The following COL21A1 variants were observed in gnomAD, a reference collection of about 807,000 sequenced individuals.
The protein encoded by COL21A1 is collagen alpha-1(XXI) chain.
A neutral mutation model predicts 137.9 loss-of-function variants in COL21A1; 149 were observed. The ratio of observed to expected loss-of-function variants is 1.08; its 90% confidence interval spans 0.95 to 1.24. The LOEUF is 1.24. Ranked by LOEUF, COL21A1 falls within the 50% of genes most tolerant of loss-of-function variation. The pLI is 0.00. For missense variants in COL21A1, 1,167 were observed against 1,158.4 expected, an observed-to-expected ratio of 1.01 and a Z score of -0.11; for synonymous variants, 456 against 391.5, an observed-to-expected ratio of 1.16 and a Z score of -1.95.
intron 1 of COL21A1, among the ~76,000 whole-genome samples, chr6:56,204,001 C>T (rs1409611745): frequency 1.3e-5 from 2 of 152,194 alleles, no homozygotes; most frequent in African/African-American, 4.8e-5. Context: ...CTGGTGCCTA[C>T]ACCACCAGGG....
At chr6:56,362,172 A>G (rs1270122350) in intron 1 of COL21A1, among the ~76,000 whole-genome samples, 2 of 152,208 alleles carry the variant, frequency 1.3e-5, no homozygotes, top group Admixed American at 1.3e-4. Flanking sequence ...CAAGCTAGAG[A>G]GATACTAGCA....
intron 1 of COL21A1, among the ~76,000 whole-genome samples, chr6:56,346,757 T>C: frequency 6.6e-6 from 1 of 152,308 alleles, no homozygotes; most frequent in African/African-American, 2.4e-5. Flanking sequence ...CAGTGAGAGC[T>C]GTACCGCTCC....
intron 1 of COL21A1, among the ~76,000 whole-genome samples, chr6:56,236,226 C>A (rs1248623142): frequency 1.3e-5 from 2 of 151,932 alleles, no homozygotes; most frequent in Non-Finnish European, 2.9e-5. Flanking sequence ...TCTTCAAATG[C>A]TGGGAACATG....
intron 1 of COL21A1, among the ~76,000 whole-genome samples, chr6:56,361,911 T>C (rs1289485011): frequency 1.3e-5 from 2 of 152,320 alleles, no homozygotes; most frequent in African/African-American, 4.8e-5. Context: ...CACAAGGATA[T>C]CAAGCATTGT....
chr6:56,322,884 C>CAAAAAAAAA (rs386407164), intron 1 of COL21A1, among the ~76,000 whole-genome samples: 3 of 129,800 alleles, frequency 2.3e-5, no homozygotes, highest in African/African-American at 3.1e-5. Context: ...CCTCTGCTAT[C>CAAAAAAAAA]AAAAAAAAAA....
chr6:56,150,126 T>C (rs1158032387), intron 10 of COL21A1, among the ~76,000 whole-genome samples: 1 of 152,154 alleles, frequency 6.6e-6, no homozygotes, highest in East Asian at 1.9e-4. Flanking sequence ...TCCCCACCTG[T>C]GATGACCTCA....
At chr6:56,145,976 T>C (rs991237055) in intron 10 of COL21A1, among the ~76,000 whole-genome samples, 3 of 152,054 alleles carry the variant, frequency 2.0e-5, no homozygotes, top group African/African-American at 4.8e-5. Flanking sequence ...AGGAAATATG[T>C]ATAGCATTGA....
rs534398038 is a variant in COL21A1, at chr6:56,296,783, C to A, written c.-39+97188G>T. On this transcript the variant is annotated intron_variant, in intron 1 of 28. Coordinates refer to the COL21A1 transcript ENST00000370819. The stretch of plus-strand genomic sequence containing the variant: ...TTTACATTTTGTTTCTAGAAAAATA[C>A]CCACAAGTGTCCATAAAACACTTGA... Among the ~76,000 whole-genome samples the A allele has an allele frequency of 9.9e-5, 15 of 152,080 alleles. No homozygotes were observed. In the East Asian group the frequency reaches 2.9e-3, roughly 29 times the overall value.
intron 17 of COL21A1, among the ~76,000 whole-genome samples, chr6:56,094,514 T>C (rs1464038116): frequency 6.6e-6 from 1 of 152,172 alleles, no homozygotes; most frequent in Admixed American, 6.6e-5. Flanking sequence ...CAATATAGAC[T>C]ACTTCTACCA....
intron 1 of COL21A1, among the ~76,000 whole-genome samples, chr6:56,334,399 T>C (rs1765294761): frequency 6.6e-6 from 1 of 152,130 alleles, no homozygotes; most frequent in Non-Finnish European, 1.5e-5. Flanking sequence ...TAAAGCACTT[T>C]TGCACACTTT....
chr6:56,190,091 G>A (rs1299031106), intron 1 of COL21A1, among the ~76,000 whole-genome samples: 1 of 151,850 alleles, frequency 6.6e-6, no homozygotes. Flanking sequence ...ATAACTAAGA[G>A]CAGAGCAGAA....
At chr6:56,284,459 T>A (rs1191939304) in intron 1 of COL21A1, among the ~76,000 whole-genome samples, 1 of 152,188 alleles carries the variant, frequency 6.6e-6, no homozygotes, top group African/African-American at 2.4e-5. Context: ...TTTTCTGTCA[T>A]CAACTTACCA....
At chr6:56,241,335 G>A (rs900542921) in intron 1 of COL21A1, among the ~76,000 whole-genome samples, 9 of 152,100 alleles carry the variant, frequency 5.9e-5, no homozygotes, top group East Asian at 3.9e-4. Context: ...CAAATTGGCC[G>A]GCACCTTGAG....
chr6:56,275,779 A>G (rs77453844), intron 1 of COL21A1, among the ~76,000 whole-genome samples: 1 of 152,234 alleles, frequency 6.6e-6, no homozygotes, highest in African/African-American at 2.4e-5. Context: ...TGGTGGGAAT[A>G]CAAATGACTT....
intron 9 of COL21A1, among the ~76,000 whole-genome samples, chr6:56,163,570 G>T (rs1416150095): frequency 6.6e-6 from 1 of 152,048 alleles, no homozygotes; most frequent in Admixed American, 6.6e-5. Flanking sequence ...TTAGCCGGGC[G>T]CAGTGGTGAT....
chr6:56,204,104 C>T (rs1468981779), intron 1 of COL21A1, among the ~76,000 whole-genome samples: 1 of 151,972 alleles, frequency 6.6e-6, no homozygotes, highest in African/African-American at 2.4e-5. Flanking sequence ...TTTTAATACC[C>T]CAGTGTCACC....
intron 12 of COL21A1, among the ~76,000 whole-genome samples, chr6:56,141,024 C>T (rs903564421): frequency 2.9e-4 from 44 of 152,168 alleles, no homozygotes; most frequent in Middle Eastern, 3.4e-3. Context: ...CATTTATTCC[C>T]ACAAAAATTT....
chr6:56,073,632 TA>T (rs757973052), intron 20 of COL21A1, among the ~76,000 whole-genome samples: 1 of 151,466 alleles, frequency 6.6e-6, no homozygotes, highest in Non-Finnish European at 1.5e-5. Flanking sequence ...GAAAACAAAA[TA>T]GTTATCGTAC....
intron 16 of COL21A1, among the ~76,000 whole-genome samples, chr6:56,116,176 G>C (rs1222241867): frequency 6.6e-6 from 1 of 151,848 alleles, no homozygotes; most frequent in Non-Finnish European, 1.5e-5. Flanking sequence ...GAAGGCTATA[G>C]AACACCAAGC....
Sources: gnomAD v4.1 joint callset for allele counts (sites outside exome capture counted in the v4.1 genomes callset) on GRCh38, gnomAD v4.1.1 for gene constraint, MANE v1.5 for transcripts, NCBI Gene and HGNC (gene_info 2026-07-23, HGNC 2026-07-21) for gene names.